Variants in PCDHA6 observed in about 807,000 individuals in gnomAD.
PCDHA6 encodes protocadherin alpha 6.
PCDHA6 carries 55 observed loss-of-function variants against 60.3 expected under a neutral mutation model. That is an observed-to-expected ratio of 0.91 (90% CI 0.73 to 1.14). PCDHA6 has a LOEUF of 1.14. Among genes scored for constraint, PCDHA6 ranks in the 50% most tolerant of loss-of-function variants. PCDHA6 has a pLI of 0.00. For missense variants in PCDHA6, 1,327 were observed against 1,256.5 expected (o/e 1.06, Z -0.85); for synonymous variants, 652 against 557.9 (o/e 1.17, Z -2.38).
chr5:141,004,715 G>T (rs989871938), intron 3 of PCDHA6, among the ~76,000 whole-genome samples: 2 of 152,162 alleles, frequency 1.3e-5, no homozygotes, highest in African/African-American at 2.4e-5. Flanking sequence ...CGAATCAGAG[G>T]TTTTTAAATA....
Position 140,848,697 on chromosome 5 carries a change from T to C in PCDHA6, c.2394+18212T>C. ...GGTGCCGCGCCTGTTCCAGTTGGAT[T>C]CCAAAGGCCGCGGGGACCTTCTGGA... On this transcript the variant is annotated intron_variant, in intron 1 of 3. Coordinates refer to ENST00000529310, the MANE Select transcript of PCDHA6 (RefSeq NM_018909.4). 11 of 1,592,356 alleles carry C rather than the reference T, an allele frequency of 6.9e-6. 1 individual carries two copies. The highest frequency in any genetic ancestry group is 9.5e-6 in the Non-Finnish European group (11 of 1,163,328).
chr5:140,925,424 T>C (rs1554202738), intron 1 of PCDHA6, among the ~76,000 whole-genome samples: 1 of 152,038 alleles, frequency 6.6e-6, no homozygotes, highest in Non-Finnish European at 1.5e-5. Context: ...GAACTGGTTG[T>C]AGGGTGTTAG....
intron 1 of PCDHA6, among the ~76,000 whole-genome samples, chr5:140,909,299 T>G (rs561949225): frequency 6.6e-6 from 1 of 152,320 alleles, no homozygotes; most frequent in Non-Finnish European, 1.5e-5. Flanking sequence ...TGGACAGGAA[T>G]GGAGAAAAAG....
At chr5:140,870,483 C>A (rs782740203) in intron 1 of PCDHA6, 13 of 1,614,122 alleles carry the variant, frequency 8.1e-6, no homozygotes, top group East Asian at 2.2e-5. Context: ...CCGAGTACAC[C>A]GTGTTCGTGA....
chr5:140,977,701 G>A (rs1299788207), intron 1 of PCDHA6, among the ~76,000 whole-genome samples: 2 of 152,146 alleles, frequency 1.3e-5, no homozygotes, highest in African/African-American at 4.8e-5. Context: ...AAATCTGTCT[G>A]AATATTGAGA....
chr5:140,970,748 A>G (rs2096429835), intron 1 of PCDHA6, among the ~76,000 whole-genome samples: 1 of 152,130 alleles, frequency 6.6e-6, no homozygotes, highest in African/African-American at 2.4e-5. Context: ...TTTGCAATAT[A>G]TTTTCATTGA....
intron 1 of PCDHA6, chr5:140,856,567 A>C: frequency 6.3e-7 from 1 of 1,597,710 alleles, no homozygotes; most frequent in Non-Finnish European, 8.6e-7. Flanking sequence ...AACTCAGTCC[A>C]AATGAGTATT....
At chr5:140,850,328 GCAGCC>G (rs2150480020) in intron 1 of PCDHA6, 3 of 1,597,678 alleles carry the variant, frequency 1.9e-6, no homozygotes, top group South Asian at 2.2e-5. Context: ...CATACGAGCT[GCAGCC>G]AGAAACGGCC....
At chr5:140,969,638 G>A (rs1461834971) in intron 1 of PCDHA6, 1 of 210,658 alleles carries the variant, frequency 4.7e-6, no homozygotes, top group African/African-American at 2.4e-5. Context: ...ACAGGCCTTG[G>A]AATAGGGATT....
chr5:140,850,243 G>T lies in PCDHA6; in HGVS notation c.2394+19758G>T, dbSNP rs2150475215. 2 of 1,593,880 alleles carry T rather than the reference G, an allele frequency of 1.3e-6. No homozygotes were observed. The highest frequency in any genetic ancestry group is 1.3e-5 in the African/African-American group (1 of 74,400). ...GGCGCAGTGAGCGAGATGGTGCTGC[G>T]GTCGGTGGGCGCCGGCGTAGTGGTG... On this transcript the variant is annotated intron_variant, in intron 1 of 3. Transcript: ENST00000529310.
rs189094380 is a variant in PCDHA6 at position 140,918,016 on chromosome 5, T to C, written c.2395-60933T>C. Among the ~76,000 whole-genome samples the C allele has an allele frequency of 1.3e-4, 20 of 152,344 alleles. No individual in the cohort carries two copies. The East Asian group carries it at 3.9e-3, about 29-fold the overall frequency. ...TTATCTTAACAATGTTGTTTCTTCC[T>C]ACCCATGAGCGTGGAAGGTCTTTCC... On this transcript the variant is annotated intron_variant, in intron 1 of 3. Transcript: ENST00000529310.
chr5:140,871,117 G>A (rs2052723130), intron 1 of PCDHA6: 1 of 1,613,286 alleles, frequency 6.2e-7, no homozygotes, highest in East Asian at 2.2e-5. Flanking sequence ...GGTGGAGAGC[G>A]GACAGGCGCC....
rs2150445879 is a variant in PCDHA6 at position 140,849,707 on chromosome 5, C to G, written c.2394+19222C>G. Reference sequence around the variant, plus strand: ...AGCTGGTGTCCACCTACAAGAATTACTACTCGTTGGTGCTGGACAGAGCTC... The same window carrying G: ...AGCTGGTGTCCACCTACAAGAATTAGTACTCGTTGGTGCTGGACAGAGCTC... On this transcript the variant is annotated intron_variant, in intron 1 of 3. Coordinates refer to ENST00000529310, the MANE Select transcript of PCDHA6 (RefSeq NM_018909.4). The G allele has an allele frequency of 3.1e-6, 5 of 1,598,540 alleles. No homozygotes were observed. The South Asian group carries it at 3.3e-5, about 11-fold the overall frequency.
chr5:140,828,189 A>G lies in PCDHA6; in HGVS notation c.98A>G (p.Tyr33Cys), dbSNP rs2150152143. 1 of 1,613,890 alleles carries G rather than the reference A, an allele frequency of 6.2e-7. No individual in the cohort carries two copies. The highest frequency in any genetic ancestry group is 1.3e-5 in the African/African-American group (1 of 74,920). The change falls in exon 1 of 4, where the codon TAC (tyrosine) becomes TGC (cysteine). Residue 33 changes from tyrosine to cysteine, a missense_variant. Tyr to Cys is a radical substitution (Grantham distance 194). Transcript: ENST00000529310. The part of the protein sequence containing the change: ...AWKVGSGQLH[Y>C]SVPEEAKHGT... Reference sequence around the variant, plus strand: ...AAGGTGGGGAGCGGCCAGCTCCACTACTCCGTACCCGAGGAGGCCAAACAC... The same window carrying G: ...AAGGTGGGGAGCGGCCAGCTCCACTGCTCCGTACCCGAGGAGGCCAAACAC...
intron 3 of PCDHA6, 167 bp from the exon 4 acceptor site, chr5:141,009,460 T>C (rs1375350735): frequency 3.2e-6 from 3 of 950,276 alleles, no homozygotes; most frequent in African/African-American, 1.8e-5. Flanking sequence ...ATTAAACAAA[T>C]AAATAAATAA....
chr5:140,891,893 CAAG>C (rs2063302978), intron 1 of PCDHA6, among the ~76,000 whole-genome samples: 1 of 152,210 alleles, frequency 6.6e-6, no homozygotes, highest in Non-Finnish European at 1.5e-5. Flanking sequence ...GACGATGCAG[CAAG>C]AAGATCTTCA....
chr5:140,984,086 A>C (rs187283969), intron 3 of PCDHA6, among the ~76,000 whole-genome samples: 1 of 152,356 alleles, frequency 6.6e-6, no homozygotes, highest in Admixed American at 6.5e-5. Flanking sequence ...GGAGTGAAGA[A>C]ATGATGGAGG....
At chr5:140,841,779 C>T in intron 1 of PCDHA6, 1 of 1,613,838 alleles carries the variant, frequency 6.2e-7, no homozygotes, top group Non-Finnish European at 8.5e-7. Flanking sequence ...TCTCGGTTTC[C>T]GCTAGAGGGC....
At position 140,875,871 on chromosome 5, in the gene PCDHA6, C is replaced by G. The variant is rs2055892299; in HGVS notation, c.2394+45386C>G. On this transcript the variant is annotated intron_variant, in intron 1 of 3. Transcript: ENST00000529310. ...ACATTAACGACAACCCGCCGGTGTT[C>G]AGAGAAAGGGAACAAAAGGTACCTG... 3 of 1,614,188 alleles carry G rather than the reference C, an allele frequency of 1.9e-6. No individual in the cohort carries two copies. The highest frequency in any genetic ancestry group is 2.5e-6 in the Non-Finnish European group (3 of 1,180,036).
Sources: allele counts gnomAD v4.1 joint callset (sites outside exome capture counted in the v4.1 genomes callset), GRCh38; gene constraint gnomAD v4.1.1; transcripts MANE v1.5; gene names NCBI Gene and HGNC (gene_info 2026-07-23, HGNC 2026-07-21).